The following ZNF804B variants were observed in gnomAD, a reference collection of about 807,000 sequenced individuals.
ZNF804B encodes the protein zinc finger 804B.
Under a neutral mutation model 101.4 loss-of-function variants are expected in ZNF804B, and 80 were observed. The observed-to-expected ratio is 0.79, with a 90% CI of 0.66 to 0.95. The LOEUF (loss-of-function observed/expected upper bound fraction) is 0.95. Ranked by LOEUF, ZNF804B falls within the 40% of genes least tolerant of loss-of-function variation. ZNF804B has a pLI of 0.00. For missense variants in ZNF804B, 1,673 were observed against 1,561.9 expected, an observed-to-expected ratio of 1.07 and a Z score of -1.20; for synonymous variants, 622 against 558.8, an observed-to-expected ratio of 1.11 and a Z score of -1.59.
At chr7:89,281,240 A>C (rs879874969) in intron 2 of ZNF804B, among the ~76,000 whole-genome samples, 2 of 152,190 alleles carry the variant, frequency 1.3e-5, no homozygotes, top group African/African-American at 4.8e-5. Flanking sequence ...ATTAATTAAT[A>C]ATCTTTTATT....
chr7:88,805,048 C>A (rs1432854764), intron 1 of ZNF804B, among the ~76,000 whole-genome samples: 1 of 152,016 alleles, frequency 6.6e-6, no homozygotes, highest in Admixed American at 6.6e-5. Flanking sequence ...GGTGTTAGAG[C>A]TATTCTGAAA....
At chr7:89,156,158 G>A (rs1790971899) in intron 1 of ZNF804B, among the ~76,000 whole-genome samples, 2 of 150,730 alleles carry the variant, frequency 1.3e-5, no homozygotes, top group Admixed American at 6.6e-5. Flanking sequence ...TTGTTGCCCA[G>A]GCTGGAGTGC....
chr7:89,076,983 T>TC (rs1242949164), intron 1 of ZNF804B, among the ~76,000 whole-genome samples: 1 of 152,034 alleles, frequency 6.6e-6, no homozygotes, highest in East Asian at 1.9e-4. Context: ...AGAATGGCGC[T>TC]GTCTAATGGC....
At chr7:89,171,277 ATGCTGC>A (rs55857746) in intron 1 of ZNF804B, among the ~76,000 whole-genome samples, 8,316 of 109,702 alleles carry the variant, frequency 0.076, 568 homozygotes, top group Middle Eastern at 0.15. Context: ...GGCACAAATA[ATGCTGC>A]TGCTGCTTCT....
intron 1 of ZNF804B, among the ~76,000 whole-genome samples, chr7:89,153,424 A>G (rs1031668706): frequency 7.5e-6 from 1 of 132,476 alleles, no homozygotes; most frequent in Non-Finnish European, 1.6e-5. Context: ...AATGATGATG[A>G]TGATGATAAT....
At chr7:89,042,698 G>A (rs1015949797) in intron 1 of ZNF804B, among the ~76,000 whole-genome samples, 1 of 152,086 alleles carries the variant, frequency 6.6e-6, no homozygotes, top group African/African-American at 2.4e-5. Flanking sequence ...GATTGGATAC[G>A]AATGTGTTTT....
At chr7:88,934,153 A>G (rs533374910) in intron 1 of ZNF804B, among the ~76,000 whole-genome samples, 40 of 152,176 alleles carry the variant, frequency 2.6e-4, no homozygotes, top group African/African-American at 8.7e-4. Flanking sequence ...ATACAAAAAC[A>G]TAAATTGGGG....
At chr7:88,861,061 A>G (rs959310688) in intron 1 of ZNF804B, among the ~76,000 whole-genome samples, 1 of 152,156 alleles carries the variant, frequency 6.6e-6, no homozygotes, top group Non-Finnish European at 1.5e-5. Flanking sequence ...TCTTTACCTC[A>G]TCTACAGTTT....
Position 88,760,081 on chromosome 7 carries a change from T to A in ZNF804B, c.105T>A (p.Ser35=), listed in dbSNP as rs1407482309. 2 of 1,613,550 alleles carry A rather than the reference T, an allele frequency of 1.2e-6. No individual in the cohort carries two copies. ...RGPLCKNGSP[S]PDFAEKKSTA... Reference sequence around the variant, plus strand: ...CCCTGTGCAAGAACGGATCTCCCTCTCCGGTAATGTGCGCGCGCACACACA... The same window carrying A: ...CCCTGTGCAAGAACGGATCTCCCTCACCGGTAATGTGCGCGCGCACACACA... Residue 35 remains serine, a synonymous_variant, in exon 1 of 4, where the codon TCT becomes TCA. Transcript: ENST00000333190.
chr7:89,056,370 T>C (rs1370632252), intron 1 of ZNF804B, among the ~76,000 whole-genome samples: 1 of 151,954 alleles, frequency 6.6e-6, no homozygotes, highest in Admixed American at 6.6e-5. Flanking sequence ...TAGAGAAAAG[T>C]AGAGAGGTGC....
chr7:89,000,468 A>T (rs1032373915), intron 1 of ZNF804B, among the ~76,000 whole-genome samples: 5 of 151,998 alleles, frequency 3.3e-5, no homozygotes, highest in African/African-American at 1.2e-4. Context: ...ATAGTTGTCA[A>T]ATAAAACCAA....
At chr7:88,816,439 A>T (rs534196725) in intron 1 of ZNF804B, among the ~76,000 whole-genome samples, 1 of 152,320 alleles carries the variant, frequency 6.6e-6, no homozygotes, top group South Asian at 2.1e-4. Flanking sequence ...ATCAGAGTGA[A>T]CAGGCAACCT....
chr7:89,228,862 G>A (rs140384903), intron 2 of ZNF804B, among the ~76,000 whole-genome samples: 94 of 152,308 alleles, frequency 6.2e-4, no homozygotes, highest in African/African-American at 2.1e-3. Context: ...GGCGCACGGA[G>A]CAGGTAGGGG....
At position 88,857,830 on chromosome 7, in the gene ZNF804B, T is replaced by C. The variant is rs540254705; in HGVS notation, c.108+97746T>C. On this transcript the variant is annotated intron_variant, in intron 1 of 3. Transcript: ENST00000333190. Reference sequence around the variant, plus strand: ...CTCCTTTCCTTTCTTTTCTTTTTTTTTTTTTTTTTTTTTTTTTTTTTGTCA... The same window carrying C: ...CTCCTTTCCTTTCTTTTCTTTTTTTCTTTTTTTTTTTTTTTTTTTTTGTCA... Among the ~76,000 whole-genome samples, 15 of 124,340 alleles carry C rather than the reference T, an allele frequency of 1.2e-4. No homozygotes were observed. In the East Asian group the frequency reaches 1.9e-3, roughly 16 times the overall value. The allele number at this position is 124,340 out of a possible 152,430, so 81.6% of individuals were successfully genotyped here.
intron 1 of ZNF804B, among the ~76,000 whole-genome samples, chr7:88,783,681 T>C (rs893639982): frequency 2.0e-5 from 3 of 152,092 alleles, no homozygotes; most frequent in African/African-American, 4.8e-5. Context: ...GTTACAATAA[T>C]ATGGGAATGG....
chr7:89,081,167 C>A (rs1789692425), intron 1 of ZNF804B, among the ~76,000 whole-genome samples: 1 of 151,762 alleles, frequency 6.6e-6, no homozygotes, highest in Non-Finnish European at 1.5e-5. Flanking sequence ...AAAAAGTCAG[C>A]CTTCTTCAGG....
At chr7:89,101,347 T>G (rs1465013644) in intron 1 of ZNF804B, among the ~76,000 whole-genome samples, 1 of 152,034 alleles carries the variant, frequency 6.6e-6, no homozygotes, top group Non-Finnish European at 1.5e-5. Flanking sequence ...ATATATTCAT[T>G]TATGACAATA....
At chr7:89,000,852 A>T (rs183512179) in intron 1 of ZNF804B, among the ~76,000 whole-genome samples, 1 of 149,864 alleles carries the variant, frequency 6.7e-6, no homozygotes, top group African/African-American at 2.4e-5. Flanking sequence ...ATTTATATAT[A>T]TAGAGAGATA....
intron 2 of ZNF804B, among the ~76,000 whole-genome samples, chr7:89,314,752 A>C (rs745331549): frequency 2.5e-4 from 38 of 152,176 alleles, no homozygotes; most frequent in Non-Finnish European, 5.4e-4. Context: ...ACAAAATATA[A>C]ACTCGGATCT....
Sources: allele counts gnomAD v4.1 joint callset (sites outside exome capture counted in the v4.1 genomes callset), GRCh38; gene constraint gnomAD v4.1.1; transcripts MANE v1.5; gene names NCBI Gene and HGNC (gene_info 2026-07-23, HGNC 2026-07-21).